TTC7A: variants seen among roughly 807,000 people sequenced by gnomAD.
TTC7A encodes the protein tetratricopeptide repeat domain 7A, also known as tetratricopeptide repeat protein 7A.
TTC7A carries 110 observed loss-of-function variants against 103.7 expected under a neutral mutation model. The ratio of observed to expected loss-of-function variants is 1.06; its 90% CI spans 0.91 to 1.24. The LOEUF (loss-of-function observed/expected upper bound fraction) is 1.24. TTC7A is among the 50% of genes most tolerant of loss of function. TTC7A has a pLI of 0.00. For synonymous variants in TTC7A, 521 were observed against 467.9 expected, an observed-to-expected ratio of 1.11 and a Z score of -1.47; for missense variants, 1,340 against 1,116.3, an observed-to-expected ratio of 1.20 and a Z score of -2.86.
intron 3 of TTC7A, among the ~76,000 whole-genome samples, chr2:46,973,400 A>G (rs1673546538): frequency 6.6e-6 from 1 of 152,230 alleles, no homozygotes; most frequent in African/African-American, 2.4e-5. Context: ...CAGCCACCGC[A>G]TGGTGCAGGG....
chr2:46,951,451 T>C (rs746322804), intron 2 of TTC7A: 15 of 416,068 alleles, frequency 3.6e-5, no homozygotes, highest in Non-Finnish European at 5.3e-5. Context: ...GTGGCATGGG[T>C]ATGTCATTAG....
chr2:47,029,526 C>A, intron 15 of TTC7A, 142 bp downstream of exon 15: 1 of 987,960 alleles, frequency 1.0e-6, no homozygotes, highest in Non-Finnish European at 1.5e-6. Context: ...GGTGGAGAGA[C>A]AGGGGTGAGG....
chr2:46,975,937 A>C (rs981275754), intron 4 of TTC7A, among the ~76,000 whole-genome samples: 1 of 152,086 alleles, frequency 6.6e-6, no homozygotes, highest in Non-Finnish European at 1.5e-5. Context: ...GGGTTTCACC[A>C]TGTTGGCCAG....
chr2:47,056,482 GCCAGCC>G (rs1368743027), intron 18 of TTC7A, among the ~76,000 whole-genome samples: 1 of 152,200 alleles, frequency 6.6e-6, no homozygotes, highest in African/African-American at 2.4e-5. Flanking sequence ...TTAGCACAGG[GCCAGCC>G]TGCGGGCAAG....
At position 47,044,411 on chromosome 2, in the gene TTC7A, G is replaced by A. The variant is rs1189208101; in HGVS notation, c.1803-1904G>A. Among the ~76,000 whole-genome samples, 9 of 152,158 alleles carry A rather than the reference G, an allele frequency of 5.9e-5. No individual in the cohort carries two copies. In the South Asian group the frequency reaches 1.4e-3, roughly 25 times the overall value. On this transcript the variant is annotated intron_variant, in intron 15 of 19. Transcript: ENST00000319190. ...AGTGTTGGATCCTTTGCAAACCTGC[G>A]GAAGGAGAGTACAGTGGCAAGACCA...
At chr2:47,055,474 G>C (rs1408295209) in intron 18 of TTC7A, among the ~76,000 whole-genome samples, 1 of 152,208 alleles carries the variant, frequency 6.6e-6, no homozygotes, top group Non-Finnish European at 1.5e-5. Context: ...CAGCGGGTCT[G>C]TGTGAGAGTG....
At chr2:47,042,955 C>A (rs557256860) in intron 15 of TTC7A, among the ~76,000 whole-genome samples, 1 of 152,348 alleles carries the variant, frequency 6.6e-6, no homozygotes, top group African/African-American at 2.4e-5. Context: ...AGCCTCCCCC[C>A]AGCTTCCCCC....
intron 11 of TTC7A, among the ~76,000 whole-genome samples, chr2:47,021,143 C>G (rs928186450): frequency 1.3e-5 from 2 of 152,236 alleles, no homozygotes; most frequent in African/African-American, 4.8e-5. Context: ...ACTACCACAC[C>G]AGGCATGCCA....
intron 2 of TTC7A, among the ~76,000 whole-genome samples, chr2:46,927,227 A>C (rs1669432443): frequency 1.3e-5 from 2 of 152,196 alleles, no homozygotes; most frequent in Non-Finnish European, 2.9e-5. Context: ...GAAAGATTAC[A>C]AGATCAGGAT....
At chr2:46,999,271 C>A (rs911196838) in intron 8 of TTC7A, among the ~76,000 whole-genome samples, 1 of 151,910 alleles carries the variant, frequency 6.6e-6, no homozygotes, top group African/African-American at 2.4e-5. Flanking sequence ...TCCATTTATC[C>A]ATCCACCTCC....
chr2:47,026,313 T>G (rs1202578278), intron 14 of TTC7A, among the ~76,000 whole-genome samples: 1 of 152,200 alleles, frequency 6.6e-6, no homozygotes, highest in East Asian at 1.9e-4. Context: ...AGGAGCAGCC[T>G]TAGGGCCACC....
At chr2:46,916,119 G>A, upstream of TTC7A, 1 of 985,610 alleles carries the variant, frequency 1.0e-6, no homozygotes, top group Non-Finnish European at 1.2e-6. Context: ...ATCCGGATGG[G>A]GCGGACCCCA....
intron 11 of TTC7A, among the ~76,000 whole-genome samples, chr2:47,014,555 C>T (rs1558578748): frequency 6.6e-6 from 1 of 152,148 alleles, no homozygotes; most frequent in African/African-American, 2.4e-5. Flanking sequence ...CAGAGTGGGT[C>T]AGCCCTGTAC....
At chr2:46,955,987 G>A (rs796885132) in intron 2 of TTC7A, among the ~76,000 whole-genome samples, 4 of 152,334 alleles carry the variant, frequency 2.6e-5, no homozygotes, top group African/African-American at 9.6e-5. Context: ...GAGGTTACAA[G>A]GAGAACTGGG....
chr2:46,996,958 T>C (rs1558554639), intron 8 of TTC7A, among the ~76,000 whole-genome samples: 1 of 145,418 alleles, frequency 6.9e-6, no homozygotes, highest in Non-Finnish European at 1.5e-5. Context: ...AGAGTTTTTT[T>C]TGTGGTGGTT....
chr2:46,953,795 C>G (rs896693118), intron 2 of TTC7A, among the ~76,000 whole-genome samples: 2 of 151,932 alleles, frequency 1.3e-5, no homozygotes, highest in African/African-American at 4.8e-5. Flanking sequence ...ACTATTAGCC[C>G]CATTTCTTTT....
intron 15 of TTC7A, among the ~76,000 whole-genome samples, chr2:47,042,078 G>T (rs1170934360): frequency 6.6e-6 from 1 of 152,090 alleles, no homozygotes; most frequent in East Asian, 1.9e-4. Flanking sequence ...GTTATAGGAG[G>T]GTGACAGAGA....
intron 8 of TTC7A, among the ~76,000 whole-genome samples, chr2:47,002,960 C>T (rs1676987119): frequency 6.6e-6 from 1 of 152,274 alleles, no homozygotes; most frequent in Admixed American, 6.5e-5. Flanking sequence ...TATTGAGGGC[C>T]TATCACCAGC....
At position 46,942,754 on chromosome 2, in the gene TTC7A, A is replaced by G. The variant is rs944661157; in HGVS notation, c.184+1029A>G. Among the ~76,000 whole-genome samples the G allele has an allele frequency of 2.0e-5, 3 of 152,154 alleles. No individual in the cohort carries two copies. In the South Asian group the frequency reaches 6.2e-4, roughly 32 times the overall value. On this transcript the variant is annotated intron_variant, in intron 1 of 19. Coordinates refer to ENST00000319190, the MANE Select transcript of TTC7A (RefSeq NM_020458.4). The stretch of plus-strand genomic sequence containing the variant: ...CCAGGTTTCTGAGTACATCCTTTAA[A>G]TCACTTGCACTATTACCTCTCAAAG...
Sources: allele counts gnomAD v4.1 joint callset (sites outside exome capture counted in the v4.1 genomes callset), GRCh38; gene constraint gnomAD v4.1.1; transcripts MANE v1.5; gene names NCBI Gene and HGNC (gene_info 2026-07-23, HGNC 2026-07-21).